CALCR: variants seen among roughly 807,000 people sequenced by gnomAD.
CALCR encodes calcitonin receptor.
Under a neutral mutation model 59.5 loss-of-function variants are expected in CALCR, and 47 were observed. The ratio of observed to expected loss-of-function variants is 0.79; its 90% CI spans 0.63 to 1.01. The LOEUF (loss-of-function observed/expected upper bound fraction) is 1.01, where lower values mean the gene tolerates loss of function less well. Ranked by LOEUF, CALCR falls within the 50% of genes least tolerant of loss-of-function variation. CALCR has a pLI of 0.00. For missense variants in CALCR, 566 were observed against 597.1 expected (o/e 0.95, Z 0.54); for synonymous variants, 213 against 211.3 (o/e 1.01, Z -0.07).
Position 93,555,162 on chromosome 7 carries a change from G to C in CALCR, c.-27+19127C>G, listed in dbSNP as rs115599589. The stretch of plus-strand genomic sequence containing the variant: ...AGCAGGTCCCAGCCAGATGAGAGGG[G>C]ATGTCAAACAGGCATACTACTCATG... On this transcript the variant is annotated intron_variant, in intron 2 of 13. Coordinates refer to ENST00000426151, the MANE Select transcript of CALCR (RefSeq NM_001742.4). Among the ~76,000 whole-genome samples the C allele has an allele frequency of 8.7e-3, 1,319 of 152,084 alleles. 23 individuals carry two copies. Among genetic ancestry groups the C allele is most frequent in the African/African-American group, 0.03 (1,235 of 41,508 alleles).
Position 93,526,706 on chromosome 7 carries a change from T to C in CALCR, c.-26-39699A>G, listed in dbSNP as rs575573703. On this transcript the variant is annotated intron_variant, in intron 2 of 13. Coordinates refer to ENST00000426151, the MANE Select transcript of CALCR (RefSeq NM_001742.4). ...AACAGCAAATTGTTGCAAGAAGAAA[T>C]AAATGACATCCTGTGTTTATTCAAT... 2.5e-4 allele frequency among the ~76,000 whole-genome samples: 38 copies of C among 152,134 alleles called. No homozygotes were observed. The South Asian group carries it at 7.2e-3, about 29-fold the overall frequency.
chr7:93,565,934 A>G (rs1789855464), intron 2 of CALCR, among the ~76,000 whole-genome samples: 2 of 152,214 alleles, frequency 1.3e-5, no homozygotes, highest in Non-Finnish European at 2.9e-5. Context: ...TGGATGAGTC[A>G]AGTCAATTTA....
intron 7 of CALCR, among the ~76,000 whole-genome samples, chr7:93,468,211 C>G (rs1800479800): frequency 6.6e-6 from 1 of 151,720 alleles, no homozygotes; most frequent in Non-Finnish European, 1.5e-5. Flanking sequence ...CACCATAAAA[C>G]CTAAAGACAA....
intron 13 of CALCR, among the ~76,000 whole-genome samples, chr7:93,433,128 C>A (rs73219954): frequency 6.6e-6 from 1 of 151,908 alleles, no homozygotes; most frequent in Non-Finnish European, 1.5e-5. Context: ...TGTCATGTTG[C>A]GGTTGGAAAC....
chr7:93,514,980 G>A (rs578198090), intron 2 of CALCR, among the ~76,000 whole-genome samples: 24 of 152,026 alleles, frequency 1.6e-4, no homozygotes, highest in Admixed American at 7.2e-4. Context: ...TATATTCCAA[G>A]GCCATGTGGA....
chr7:93,460,774 C>T (rs776717390), intron 8 of CALCR, 47 bp downstream of exon 8: 2 of 1,449,572 alleles, frequency 1.4e-6, no homozygotes, highest in East Asian at 4.8e-5. Flanking sequence ...TTTACAGGTA[C>T]TATATCCTTT....
intron 2 of CALCR, among the ~76,000 whole-genome samples, chr7:93,553,510 G>A (rs1226908416): frequency 2.0e-5 from 3 of 151,868 alleles, no homozygotes; most frequent in East Asian, 3.9e-4. Context: ...AAATTTTGGA[G>A]GCAGATTAAT....
chr7:93,444,371 G>A (rs949258557), intron 8 of CALCR, among the ~76,000 whole-genome samples: 1 of 152,090 alleles, frequency 6.6e-6, no homozygotes, highest in Non-Finnish European at 1.5e-5. Context: ...GCAGACGTAG[G>A]AGCCACACCC....
At chr7:93,524,331 G>C (rs972938433) in intron 2 of CALCR, among the ~76,000 whole-genome samples, 1 of 151,566 alleles carries the variant, frequency 6.6e-6, no homozygotes, top group Non-Finnish European at 1.5e-5. Flanking sequence ...CACCACGCCC[G>C]GCTAATTTTT....
chr7:93,489,737 T>C (rs776216431), intron 2 of CALCR, among the ~76,000 whole-genome samples: 2 of 151,856 alleles, frequency 1.3e-5, no homozygotes, highest in Non-Finnish European at 2.9e-5. Context: ...AATAGACCAA[T>C]AGCAAGTTCT....
intron 5 of CALCR, among the ~76,000 whole-genome samples, chr7:93,476,216 T>G (rs148919333): frequency 6.6e-6 from 1 of 151,942 alleles, no homozygotes; most frequent in Non-Finnish European, 1.5e-5. Flanking sequence ...AAATGCTTCC[T>G]TGTTAAATTT....
chr7:93,503,445 A>C (rs1801364212), intron 2 of CALCR, among the ~76,000 whole-genome samples: 1 of 151,850 alleles, frequency 6.6e-6, no homozygotes, highest in African/African-American at 2.4e-5. Flanking sequence ...CACACGACAC[A>C]GAGGAAAATT....
intron 2 of CALCR, among the ~76,000 whole-genome samples, chr7:93,491,772 G>A (rs892477988): frequency 1.3e-5 from 2 of 152,008 alleles, no homozygotes; most frequent in Non-Finnish European, 2.9e-5. Context: ...TGAGGCTGTG[G>A]AGAATGAGGA....
At position 93,493,780 on chromosome 7, in the gene CALCR, A is replaced by G. The variant is rs148960705; in HGVS notation, c.-26-6773T>C. On this transcript the variant is annotated intron_variant, in intron 2 of 13. Transcript: ENST00000426151. ...GATTTGTGGCCTGCTAAAAGGACAG[A>G]TAAGAAATTCAGGAGAGGAAAGTAG... Among the ~76,000 whole-genome samples, 414 of 151,532 alleles carry G rather than the reference A, an allele frequency of 2.7e-3. 4 individuals are homozygous for G. Among genetic ancestry groups the G allele is most frequent in the African/African-American group, 8.9e-3 (371 of 41,468 alleles).
At chr7:93,536,698 G>A (rs1584614603) in intron 2 of CALCR, among the ~76,000 whole-genome samples, 1 of 151,340 alleles carries the variant, frequency 6.6e-6, no homozygotes, top group East Asian at 1.9e-4. Context: ...CTACCTTTTT[G>A]TTTCTTTCAT....
At chr7:93,427,709 AT>A (rs1421473626) in intron 13 of CALCR, among the ~76,000 whole-genome samples, 1 of 152,164 alleles carries the variant, frequency 6.6e-6, no homozygotes, top group Non-Finnish European at 1.5e-5. Context: ...ATAAAACTAT[AT>A]GTATAATATA....
chr7:93,543,346 T>C (rs1017574788), intron 2 of CALCR, among the ~76,000 whole-genome samples: 1 of 152,236 alleles, frequency 6.6e-6, no homozygotes, highest in East Asian at 1.9e-4. Context: ...GGTTTCACCG[T>C]GCTGGTCAGG....
At chr7:93,567,565 T>G (rs1789893922) in intron 2 of CALCR, among the ~76,000 whole-genome samples, 1 of 152,060 alleles carries the variant, frequency 6.6e-6, no homozygotes, top group South Asian at 2.1e-4. Flanking sequence ...TTTTTTTTAA[T>G]TATACTTTAA....
chr7:93,554,681 C>T (rs936802610), intron 2 of CALCR, among the ~76,000 whole-genome samples: 1 of 150,044 alleles, frequency 6.7e-6, no homozygotes, highest in Non-Finnish European at 1.5e-5. Flanking sequence ...CTAAGCATTA[C>T]GTTCCAAAGG....
Sources: allele counts gnomAD v4.1 joint callset (sites outside exome capture counted in the v4.1 genomes callset), GRCh38; gene constraint gnomAD v4.1.1; transcripts MANE v1.5; gene names NCBI Gene and HGNC (gene_info 2026-07-23, HGNC 2026-07-21).